TET1: variants seen among roughly 807,000 people sequenced by gnomAD.
TET1 encodes the protein methylcytosine dioxygenase TET1.
TET1 carries 13 observed loss-of-function variants against 148.7 expected under a neutral mutation model. That is an observed-to-expected ratio of 0.09 (90% CI 0.06 to 0.14). The LOEUF is 0.14. Among genes scored for constraint, TET1 ranks in the 10% least tolerant of loss-of-function variants. The pLI, the probability that TET1 is intolerant of heterozygous loss-of-function variation, is 1.00. For synonymous variants in TET1, 907 were observed against 937.2 expected (o/e 0.97, Z 0.59); for missense variants, 2,182 against 2,553.8 (o/e 0.85, Z 3.14).
chr10:68,637,421 G>T (rs1432359670), intron 3 of TET1, among the ~76,000 whole-genome samples: 1 of 151,752 alleles, frequency 6.6e-6, no homozygotes, highest in Non-Finnish European at 1.5e-5. Flanking sequence ...TGTTGTACAG[G>T]TCTTCTTTGA....
rs372349269 is a variant in TET1 at position 68,686,675 on chromosome 10, A to G, written c.5372A>G (p.Asn1791Ser). 3.0e-5 allele frequency: 48 copies of G among 1,614,002 alleles called. No homozygotes were observed. Among genetic ancestry groups the G allele is most frequent in the Middle Eastern group, 3.3e-4 (2 of 6,062 alleles). ...CGGAAGAATAACTCAACAACAACAAACAACAGTAAGCCTTCGTCACTGCCA... is the reference window on the plus strand; with the variant it reads ...CGGAAGAATAACTCAACAACAACAAGCAACAGTAAGCCTTCGTCACTGCCA... The part of the protein sequence containing the change: ...IKRKNNSTTT[N>S]NSKPSSLPTL... The change falls in exon 11 of 12, where the codon AAC becomes AGC. Residue 1791 changes from asparagine to serine, a missense_variant. Asn to Ser is a conservative substitution (Grantham distance 46). Transcript: ENST00000373644.
chr10:68,572,546 G>A lies in TET1; in HGVS notation c.208G>A (p.Val70Ile), dbSNP rs770143538. The change falls in exon 2 of 12, where the codon GTC (valine) becomes ATC (isoleucine). Residue 70 changes from valine to isoleucine, a missense_variant. Coordinates refer to ENST00000373644, the MANE Select transcript of TET1 (RefSeq NM_030625.3). ...AACAGAACCTAAACCACCCGTGCCA[G>A]TCAGAAGCCTTCTGACAAGAGCTGG... ...KKTEPKPPVP[V>I]RSLLTRAGAA... 12 of 1,614,114 alleles carry A rather than the reference G, an allele frequency of 7.4e-6. No individual in the cohort carries two copies. Among genetic ancestry groups the A allele is most frequent in the African/African-American group, 1.3e-5 (1 of 75,040 alleles).
intron 10 of TET1, among the ~76,000 whole-genome samples, chr10:68,684,756 A>AT (rs566057166): frequency 5.9e-4 from 90 of 151,410 alleles, no homozygotes; most frequent in Non-Finnish European, 9.6e-4. Context: ...CATAATTTCT[A>AT]TTTTTTTTAT....
intron 8 of TET1, among the ~76,000 whole-genome samples, chr10:68,677,042 A>G (rs2055371395): frequency 6.6e-6 from 1 of 152,244 alleles, no homozygotes; most frequent in African/African-American, 2.4e-5. Flanking sequence ...ACCAGTAAAG[A>G]GCAAAGTTCA....
At chr10:68,682,804 C>G (rs1564509567) in intron 9 of TET1, 32 bp from the exon 10 acceptor site, 2 of 1,603,968 alleles carry the variant, frequency 1.2e-6, no homozygotes, top group Non-Finnish European at 1.7e-6. Context: ...CCTTCTCTCT[C>G]TTAAGATTGT....
Position 68,573,778 on chromosome 10 carries a change from A to G in TET1, c.1440A>G (p.Ser480=). ...GCTCAGGACACACTCCTCAATCATCATCAAACTCAGAGAAAAATTCATTAC... is the reference window on the plus strand; with the variant it reads ...GCTCAGGACACACTCCTCAATCATCGTCAAACTCAGAGAAAAATTCATTAC... ...PLGSGHTPQS[S]SNSEKNSLPP... is the part of the protein sequence containing the mutation. The change falls in exon 2 of 12, where the codon TCA becomes TCG. Residue 480 remains serine (S), a synonymous_variant. Coordinates refer to ENST00000373644, the MANE Select transcript of TET1 (RefSeq NM_030625.3). The G allele has an allele frequency of 6.2e-7, 1 of 1,614,072 alleles. No homozygotes were observed. The highest frequency in any genetic ancestry group is 8.5e-7 in the Non-Finnish European group (1 of 1,180,038).
chr10:68,569,944 A>G (rs2053648792), intron 1 of TET1, among the ~76,000 whole-genome samples: 1 of 152,060 alleles, frequency 6.6e-6, no homozygotes, highest in African/African-American at 2.4e-5. Context: ...GGTTTAAAGG[A>G]TACTTTAGTA....
At chr10:68,601,951 G>A (rs1202740950) in intron 3 of TET1, among the ~76,000 whole-genome samples, 2 of 152,072 alleles carry the variant, frequency 1.3e-5, no homozygotes, top group Non-Finnish European at 2.9e-5. Flanking sequence ...ACTCAAAGAG[G>A]AACAACATGT....
intron 2 of TET1, among the ~76,000 whole-genome samples, chr10:68,581,406 G>A (rs772962622): frequency 8.5e-5 from 13 of 152,126 alleles, no homozygotes; most frequent in Non-Finnish European, 1.6e-4. Flanking sequence ...TGAAACATAT[G>A]CACTACCCTA....
At chr10:68,674,681 G>C (rs1211413447) in intron 8 of TET1, 3 of 462,236 alleles carry the variant, frequency 6.5e-6, no homozygotes, top group Non-Finnish European at 1.3e-5. Context: ...AATGGTTGAA[G>C]GTCATGTCAA....
At chr10:68,649,413 T>A (rs1280478838) in intron 4 of TET1, among the ~76,000 whole-genome samples, 5 of 152,124 alleles carry the variant, frequency 3.3e-5, no homozygotes, top group Non-Finnish European at 7.4e-5. Flanking sequence ...GAGACCATCC[T>A]GGCTAACACG....
At chr10:68,664,052 T>A (rs185199720) in intron 6 of TET1, among the ~76,000 whole-genome samples, 200 of 152,230 alleles carry the variant, frequency 1.3e-3, no homozygotes, top group Middle Eastern at 3.4e-3. Context: ...CAGGCTGTAG[T>A]GCAGTGTTGC....
intron 3 of TET1, among the ~76,000 whole-genome samples, chr10:68,606,580 A>C (rs1047331845): frequency 4.0e-5 from 6 of 150,994 alleles, no homozygotes; most frequent in African/African-American, 1.5e-4. Flanking sequence ...ACTAAGCTTG[A>C]CCATCCTTCA....
chr10:68,606,611 A>AC (rs34796450), intron 3 of TET1, among the ~76,000 whole-genome samples: 20,092 of 152,088 alleles, frequency 0.13, 1,728 homozygotes, highest in South Asian at 0.24. Context: ...AAAAACAAAA[A>AC]AAAAAACACA....
intron 7 of TET1, among the ~76,000 whole-genome samples, chr10:68,668,229 T>A (rs1042932152): frequency 2.0e-5 from 3 of 152,258 alleles, no homozygotes; most frequent in Non-Finnish European, 4.4e-5. Flanking sequence ...TTCCTTTGGC[T>A]ATGTTATCTC....
intron 3 of TET1, among the ~76,000 whole-genome samples, chr10:68,631,193 A>G (rs2054563863): frequency 6.6e-6 from 1 of 152,208 alleles, no homozygotes; most frequent in Admixed American, 6.5e-5. Context: ...AAAACAAAAC[A>G]AAAGAAATAT....
chr10:68,576,987 C>A (rs2053739041), intron 2 of TET1, among the ~76,000 whole-genome samples: 1 of 152,066 alleles, frequency 6.6e-6, no homozygotes, highest in Admixed American at 6.5e-5. Context: ...CGGCTCACTG[C>A]AAGCTCTGCC....
At position 68,676,721 on chromosome 10, in the gene TET1, A is replaced by G. The variant is rs78345449; in HGVS notation, c.4824+3676A>G. ...TGAGCCACTGTGCCTGGCCCACATCAATTTTTGAGGAAACATTAATCTTGT... is the reference window on the plus strand; with the variant it reads ...TGAGCCACTGTGCCTGGCCCACATCGATTTTTGAGGAAACATTAATCTTGT... On this transcript the variant is annotated intron_variant, in intron 8 of 11. Coordinates refer to ENST00000373644, the MANE Select transcript of TET1 (RefSeq NM_030625.3). Among the ~76,000 whole-genome samples the G allele has an allele frequency of 2.2e-3, 335 of 152,180 alleles. 3 individuals carry two copies. Among genetic ancestry groups the G allele is most frequent in the African/African-American group, 7.6e-3 (316 of 41,520 alleles).
Position 68,646,516 on chromosome 10 carries a change from C to A in TET1, c.3787C>A (p.Leu1263Ile). 3 of 1,614,092 alleles carry A rather than the reference C, an allele frequency of 1.9e-6. No individual in the cohort carries two copies. Among genetic ancestry groups the A allele is most frequent in the Non-Finnish European group, 2.5e-6 (3 of 1,180,006 alleles). Residue 1263 changes from leucine (L) to isoleucine (I), a missense_variant, in exon 4 of 12, where the codon CTC becomes ATC. Transcript: ENST00000373644. ...GGTGAAGGTTGAACCATTGGATTCACTCAGCTTATTTCATCTTAAAACGGA... is the reference window on the plus strand; with the variant it reads ...GGTGAAGGTTGAACCATTGGATTCAATCAGCTTATTTCATCTTAAAACGGA... ...EKVKVEPLDS[L>I]SLFHLKTESN...
Sources: gnomAD v4.1 joint callset for allele counts (sites outside exome capture counted in the v4.1 genomes callset) on GRCh38, gnomAD v4.1.1 for gene constraint, MANE v1.5 for transcripts, NCBI Gene and HGNC (gene_info 2026-07-23, HGNC 2026-07-21) for gene names.